LORICRIN: variants seen among roughly 807,000 people sequenced by gnomAD.
The protein encoded by LORICRIN is loricrin cornified envelope precursor protein.
Under a neutral mutation model 3.3 loss-of-function variants are expected in LORICRIN, and 5 were observed. That is an observed-to-expected ratio of 1.52 (90% confidence interval 0.79 to 3.19). The LOEUF (loss-of-function observed/expected upper bound fraction) is 3.19, where lower values mean the gene tolerates loss of function less well. Ranked by LOEUF, LORICRIN falls within the 30% of genes most tolerant of loss-of-function variation. LORICRIN has a pLI of 0.00. For missense variants in LORICRIN, 524 were observed against 460.2 expected, an observed-to-expected ratio of 1.14 and a Z score of -1.27; for synonymous variants, 237 against 231.4, an observed-to-expected ratio of 1.02 and a Z score of -0.22.
Position 153,261,214 on chromosome 1 carries a change from A to C in LORICRIN, c.265A>C (p.Lys89Gln), listed in dbSNP as rs1162508587. ...CGGAGGGGGCTCCGGTGGGAGCGTC[A>C]AGTACTCCGGAGGCGGCGGCTCCTC... ...GCGGGSGGSVKYSGGGGSSGG... is the reference protein window; with the variant it reads ...GCGGGSGGSVQYSGGGGSSGG... The change falls in exon 2 of 2, where the codon AAG (lysine) becomes CAG (glutamine). Residue 89 changes from lysine (K) to glutamine (Q), a missense_variant. Transcript: ENST00000368742. 4.5e-6 allele frequency: 6 copies of C among 1,329,586 alleles called. No individual in the cohort carries two copies. In the African/African-American group the frequency reaches 5.3e-5, roughly 12 times the overall value. The allele number at this position is 1,329,586 out of a possible 1,614,324, so 82.4% of individuals were successfully genotyped here.
chr1:153,261,808 G>T lies in LORICRIN; in HGVS notation c.859G>T (p.Gly287Cys), dbSNP rs769634501. 4 of 1,609,392 alleles carry T rather than the reference G, an allele frequency of 2.5e-6. No homozygotes were observed. In the African/African-American group the frequency reaches 5.3e-5, roughly 21 times the overall value. ...AGGCGGCGGCGGCGGCTCCTCCGTG[G>T]GTGGCTCCGGGAGTGGCAAGGGCGT... ...SGGGGGGSSV[G>C]GSGSGKGVPI... Residue 287 changes from glycine to cysteine, a missense_variant, in exon 2 of 2, where the codon GGT becomes TGT. Coordinates refer to ENST00000368742, the MANE Select transcript of LORICRIN (RefSeq NM_000427.3).
rs1259004630 is a variant in LORICRIN at position 153,261,527 on chromosome 1, G to GCTCTGGCGGCGT, written c.585_586insGGCGTCTCTGGC (p.Gly195_Cys196insGlyValSerGly). 2 of 1,510,508 alleles carry GCTCTGGCGGCGT rather than the reference G, an allele frequency of 1.3e-6. No individual in the cohort carries two copies. The highest frequency in any genetic ancestry group is 1.8e-6 in the Non-Finnish European group (2 of 1,134,574). 93.6% of individuals were successfully genotyped at this position (1,510,508 alleles called of 1,614,324 possible). ...TCTGTCTGCGGCTACTCTGGCGGCG[G>GCTCTGGCGGCGT]CTCTGGCTGCGGCGGAGGCTCCTCT... On this transcript the variant is annotated inframe_insertion, in exon 2 of 2. Coordinates refer to ENST00000368742, the MANE Select transcript of LORICRIN (RefSeq NM_000427.3).
At position 153,261,990 on chromosome 1, in the gene LORICRIN, C is replaced by A; in HGVS notation, c.*102C>A. ...TGCTACCCGAGGTTTGCAAATCCTT[C>A]ATGTCTTAACCTACCTGGAAGAAGC... On this transcript the variant is annotated 3_prime_UTR_variant, in exon 2 of 2. Coordinates refer to ENST00000368742, the MANE Select transcript of LORICRIN (RefSeq NM_000427.3). The A allele has an allele frequency of 3.2e-6, 4 of 1,235,284 alleles. No homozygotes were observed. Among genetic ancestry groups the A allele is most frequent in the Non-Finnish European group, 4.7e-6 (4 of 858,598 alleles). 76.5% of individuals were successfully genotyped at this position (1,235,284 alleles called of 1,614,324 possible).
intron 1 of LORICRIN, 29 bp from the exon 2 acceptor site, chr1:153,260,898 T>C: frequency 2.7e-6 from 4 of 1,474,094 alleles, no homozygotes; most frequent in Non-Finnish European, 3.7e-6. Flanking sequence ...TTGCAGCTGG[T>C]CCAGCGATGC....
Position 153,261,155 on chromosome 1 carries a change from CCGG to C in LORICRIN, c.213_215del (p.Gly76del). The C allele has an allele frequency of 7.5e-7, 1 of 1,331,630 alleles. No homozygotes were observed. Among genetic ancestry groups the C allele is most frequent in the African/African-American group, 1.6e-5 (1 of 61,668 alleles). 82.5% of individuals were successfully genotyped at this position (1,331,630 alleles called of 1,614,324 possible). On this transcript the variant is annotated inframe_deletion, in exon 2 of 2. Transcript: ENST00000368742. ...GGCGGCGGCTGCGGCGGGGGCTCCTCCGGCGGCGGGGGCGGGGGCGGCATTGGA... is the reference window on the plus strand; with the variant it reads ...GGCGGCGGCTGCGGCGGGGGCTCCTCCGGCGGGGGCGGGGGCGGCATTGGA...
chr1:153,260,995 T>C lies in LORICRIN; in HGVS notation c.46T>C (p.Cys16Arg), dbSNP rs367892399. 221 of 1,592,078 alleles carry C rather than the reference T, an allele frequency of 1.4e-4. No individual in the cohort carries two copies. The highest frequency in any genetic ancestry group is 1.7e-4 in the Non-Finnish European group (199 of 1,169,962). ...KQPTPQPPVD[C>R]VKTSGGGGGG... ...GCCCACCCCTCAGCCCCCAGTGGACTGCGTGAAGACCTCTGGCGGCGGTGG... is the reference window on the plus strand; with the variant it reads ...GCCCACCCCTCAGCCCCCAGTGGACCGCGTGAAGACCTCTGGCGGCGGTGG... Residue 16 changes from cysteine to arginine, a missense_variant, in exon 2 of 2, where the codon TGC becomes CGC. Physicochemically the swap from Cys to Arg is radical, Grantham distance 180. Transcript: ENST00000368742.
Position 153,261,365 on chromosome 1 carries a change from G to T in LORICRIN, c.416G>T (p.Gly139Val). 1 of 1,487,920 alleles carries T rather than the reference G, an allele frequency of 6.7e-7. No individual in the cohort carries two copies. 92.2% of individuals were successfully genotyped at this position (1,487,920 alleles called of 1,614,324 possible). A position where few individuals can be genotyped will look rare whatever the true frequency, so the allele number is the denominator to read the frequency against. Residue 139 changes from glycine to valine, a missense_variant, in exon 2 of 2, where the codon GGC (glycine) becomes GTC (valine). Gly to Val is a moderately radical substitution (Grantham distance 109). Transcript: ENST00000368742. ...AGCGGTGGGGGCGGCTCCTCCGGGGGCGGCTCCGGCTGCTTCTCCTCCGGC... is the reference window on the plus strand; with the variant it reads ...AGCGGTGGGGGCGGCTCCTCCGGGGTCGGCTCCGGCTGCTTCTCCTCCGGC... ...FSSGGGGSSG[G>V]GSGCFSSGGG...
rs1658822966 is a variant in LORICRIN at position 153,262,065 on chromosome 1, T to C, written c.*177T>C. 1.6e-5 allele frequency: 12 copies of C among 728,362 alleles called. No homozygotes were observed. The South Asian group carries it at 1.9e-4, about 12-fold the overall frequency. 45.1% of individuals were successfully genotyped at this position (728,362 alleles called of 1,614,324 possible). A position where few individuals can be genotyped will look rare whatever the true frequency, so the allele number is the denominator to read the frequency against. On this transcript the variant is annotated 3_prime_UTR_variant, in exon 2 of 2. Coordinates refer to ENST00000368742, the MANE Select transcript of LORICRIN (RefSeq NM_000427.3). The stretch of plus-strand genomic sequence containing the variant: ...GTTCTGCTGTTTAGCCTCTTTGGTT[T>C]CTGTACAACTACCTCCCAACCCCAG...
chr1:153,261,676 A>AGCGGCGGGG lies in LORICRIN; in HGVS notation c.736_744dup (p.Gly246_Gly248dup), dbSNP rs1658800830. 15 of 1,488,702 alleles carry AGCGGCGGGG rather than the reference A, an allele frequency of 1.0e-5. No homozygotes were observed. Among genetic ancestry groups the AGCGGCGGGG allele is most frequent in the Admixed American group, 4.4e-5 (2 of 45,714 alleles). 92.2% of individuals were successfully genotyped at this position (1,488,702 alleles called of 1,614,324 possible). On this transcript the variant is annotated inframe_insertion, in exon 2 of 2. Transcript: ENST00000368742. Reference sequence around the variant, plus strand: ...CAGCGGCGGAAGCGGCTGCTTCTCCAGCGGCGGGGGCGGCGGGAGCTCCGG... The same window carrying AGCGGCGGGG: ...CAGCGGCGGAAGCGGCTGCTTCTCCAGCGGCGGGGGCGGCGGGGGCGGCGGGAGCTCCGG...
Position 153,262,072 on chromosome 1 carries a change from A to G in LORICRIN, c.*184A>G. 1 of 699,268 alleles carries G rather than the reference A, an allele frequency of 1.4e-6. No homozygotes were observed. Among genetic ancestry groups the G allele is most frequent in the Non-Finnish European group, 2.5e-6 (1 of 401,614 alleles). 43.3% of individuals were successfully genotyped at this position (699,268 alleles called of 1,614,324 possible). Reference sequence around the variant, plus strand: ...TGTTTAGCCTCTTTGGTTTCTGTACAACTACCTCCCAACCCCAGTGCCTCA... The same window carrying G: ...TGTTTAGCCTCTTTGGTTTCTGTACGACTACCTCCCAACCCCAGTGCCTCA... On this transcript the variant is annotated 3_prime_UTR_variant, in exon 2 of 2. Coordinates refer to ENST00000368742, the MANE Select transcript of LORICRIN (RefSeq NM_000427.3).
In LORICRIN at chr1:153,261,399, C is replaced by G. The variant is rs1222439917; in HGVS notation, c.450C>G (p.Gly150=). Residue 150 remains glycine, a synonymous_variant, in exon 2 of 2, where the codon GGC becomes GGG. Transcript: ENST00000368742. ...GSGCFSSGGG[G]FSGQAVQCQS... is the part of the protein sequence containing the mutation. ...GCTGCTTCTCCTCCGGCGGCGGCGG[C>G]TTCTCGGGCCAGGCGGTCCAGTGCC... 1 of 1,490,404 alleles carries G rather than the reference C, an allele frequency of 6.7e-7. No individual in the cohort carries two copies. Among genetic ancestry groups the G allele is most frequent in the African/African-American group, 1.5e-5 (1 of 67,160 alleles). The allele number at this position is 1,490,404 out of a possible 1,614,324, so 92.3% of individuals were successfully genotyped here.
chr1:153,260,521 C>T (rs1242397436), intron 1 of LORICRIN, among the ~76,000 whole-genome samples: 1 of 152,296 alleles, frequency 6.6e-6, no homozygotes, highest in East Asian at 1.9e-4. Flanking sequence ...AATCTCCTAT[C>T]CTAGGTAGAG....
In LORICRIN at chr1:153,261,016, G is replaced by C. The variant is rs1278069515; in HGVS notation, c.67G>C (p.Gly23Arg). 6.4e-7 allele frequency: 1 copy of C among 1,568,412 alleles called. No homozygotes were observed. Among genetic ancestry groups the C allele is most frequent in the Non-Finnish European group, 8.7e-7 (1 of 1,154,530 alleles). The change falls in exon 2 of 2, where the codon GGT becomes CGT. Residue 23 changes from glycine to arginine, a missense_variant. Physicochemically the swap from Gly to Arg is moderately radical, Grantham distance 125. Coordinates refer to ENST00000368742, the MANE Select transcript of LORICRIN (RefSeq NM_000427.3). Reference protein sequence around the residue: ...PVDCVKTSGGGGGGGGSGGGG... With the variant: ...PVDCVKTSGGRGGGGGSGGGG... ...GGACTGCGTGAAGACCTCTGGCGGC[G>C]GTGGCGGTGGCGGCGGCAGCGGCGG...
chr1:153,260,132 G>T (rs1458295160), intron 1 of LORICRIN, among the ~76,000 whole-genome samples: 3 of 152,190 alleles, frequency 2.0e-5, no homozygotes, highest in African/African-American at 7.2e-5. Context: ...ATCCAAAAAA[G>T]TTGCAGATGG....
chr1:153,261,223 G>A lies in LORICRIN; in HGVS notation c.274G>A (p.Gly92Arg), dbSNP rs1463174905. 2.9e-6 allele frequency: 4 copies of A among 1,359,598 alleles called. No individual in the cohort carries two copies. In the East Asian group the frequency reaches 9.1e-5, roughly 31 times the overall value. 84.2% of individuals were successfully genotyped at this position (1,359,598 alleles called of 1,614,324 possible). Residue 92 changes from glycine (G) to arginine (R), a missense_variant, in exon 2 of 2, where the codon GGA (glycine) becomes AGA (arginine). Transcript: ENST00000368742. ...GGSGGSVKYS[G>R]GGGSSGGGSG... The stretch of plus-strand genomic sequence containing the variant: ...CTCCGGTGGGAGCGTCAAGTACTCC[G>A]GAGGCGGCGGCTCCTCCGGCGGGGG...
In LORICRIN at chr1:153,261,955, G is replaced by C. The variant is rs909592063; in HGVS notation, c.*67G>C. 5.3e-6 allele frequency: 8 copies of C among 1,498,868 alleles called. No individual in the cohort carries two copies. The highest frequency in any genetic ancestry group is 7.3e-6 in the Non-Finnish European group (8 of 1,092,120). 92.8% of individuals were successfully genotyped at this position (1,498,868 alleles called of 1,614,324 possible). Reference sequence around the variant, plus strand: ...TTCCAGGGGCACCGATGGGCTTAGAGCTCTCATGATGCTACCCGAGGTTTG... The same window carrying C: ...TTCCAGGGGCACCGATGGGCTTAGACCTCTCATGATGCTACCCGAGGTTTG... On this transcript the variant is annotated 3_prime_UTR_variant, in exon 2 of 2. Transcript: ENST00000368742.
In LORICRIN at chr1:153,261,563, G is replaced by A; in HGVS notation, c.614G>A (p.Gly205Asp). The change falls in exon 2 of 2, where the codon GGC becomes GAC. Residue 205 changes from glycine to aspartate, a missense_variant. Gly to Asp is a moderately conservative substitution (Grantham distance 94). Coordinates refer to ENST00000368742, the MANE Select transcript of LORICRIN (RefSeq NM_000427.3). ...GCGGGSSGGS[G>D]SGYVSSQQVT... ...GGCGGAGGCTCCTCTGGCGGCAGCG[G>A]CTCCGGCTACGTCTCCTCGCAGCAG... The A allele has an allele frequency of 4.0e-6, 6 of 1,512,530 alleles. No homozygotes were observed. Among genetic ancestry groups the A allele is most frequent in the Non-Finnish European group, 5.3e-6 (6 of 1,137,872 alleles). 93.7% of individuals were successfully genotyped at this position (1,512,530 alleles called of 1,614,324 possible). A position where few individuals can be genotyped will look rare whatever the true frequency, so the allele number is the denominator to read the frequency against.
At position 153,261,518 on chromosome 1, in the gene LORICRIN, C is replaced by CTGGCGGCGGCTA. The variant is rs1557795739; in HGVS notation, c.580_581insATGGCGGCGGCT (p.Gly193_Ser194insTyrGlyGlyGly). The CTGGCGGCGGCTA allele has an allele frequency of 6.7e-7, 1 of 1,497,876 alleles. No homozygotes were observed. Among genetic ancestry groups the CTGGCGGCGGCTA allele is most frequent in the Non-Finnish European group, 8.8e-7 (1 of 1,130,094 alleles). The allele number at this position is 1,497,876 out of a possible 1,614,324, so 92.8% of individuals were successfully genotyped here. A position where few individuals can be genotyped will look rare whatever the true frequency, so the allele number is the denominator to read the frequency against. On this transcript the variant is annotated inframe_insertion, in exon 2 of 2. Coordinates refer to ENST00000368742, the MANE Select transcript of LORICRIN (RefSeq NM_000427.3). ...GGCGGCGGCTCTGTCTGCGGCTACT[C>CTGGCGGCGGCTA]TGGCGGCGGCTCTGGCTGCGGCGGA...
In LORICRIN at chr1:153,260,913, T is replaced by C. The variant is rs1346399268; in HGVS notation, c.-23-14T>C. On this transcript the variant is annotated splice_polypyrimidine_tract_variant and intron_variant, in intron 1 of 1. Transcript: ENST00000368742. ...TTGCAGCTGGTCCAGCGATGCTCTC[T>C]TCTCCCCTTCCAGGCTCTCCTTCCT... is the stretch of plus-strand genomic sequence containing the variant. 1 of 1,537,498 alleles carries C rather than the reference T, an allele frequency of 6.5e-7. No homozygotes were observed. Among genetic ancestry groups the C allele is most frequent in the Admixed American group, 1.8e-5 (1 of 55,960 alleles).
Sources: gnomAD v4.1 joint callset for allele counts (sites outside exome capture counted in the v4.1 genomes callset) on GRCh38, gnomAD v4.1.1 for gene constraint, MANE v1.5 for transcripts, NCBI Gene and HGNC (gene_info 2026-07-23, HGNC 2026-07-21) for gene names.